The following EPHB1 variants were observed in gnomAD, a reference collection of about 807,000 sequenced individuals.
EPHB1 encodes ephrin type-B receptor 1.
In EPHB1, 30 loss-of-function variants were observed where a neutral mutation model predicts 94.4. That is an observed-to-expected ratio of 0.32 (90% CI 0.24 to 0.43). The LOEUF (loss-of-function observed/expected upper bound fraction) is 0.43. Among genes scored for constraint, EPHB1 ranks in the 20% least tolerant of loss-of-function variants. EPHB1 has a pLI of 1.00. For missense variants in EPHB1, 1,055 were observed against 1,308.3 expected (o/e 0.81, Z 2.99); for synonymous variants, 522 against 489.1 (o/e 1.07, Z -0.89).
At chr3:134,956,099 G>A (rs1367613365) in intron 3 of EPHB1, among the ~76,000 whole-genome samples, 2 of 152,114 alleles carry the variant, frequency 1.3e-5, no homozygotes, top group Non-Finnish European at 2.9e-5. Flanking sequence ...AGGGGAGGAG[G>A]CTGGGGCTGT....
chr3:134,958,413 A>AGTGTGTGTGTGTGTGTGTGTGT (rs3067407), intron 3 of EPHB1, among the ~76,000 whole-genome samples: 2 of 97,668 alleles, frequency 2.0e-5, no homozygotes, highest in Admixed American at 1.3e-4. Context: ...AACACAAGGG[A>AGTGTGTGTGTGTGTGTGTGTGT]GTGTGTGTGT....
chr3:135,254,528 G>A (rs36142997), intron 15 of EPHB1, among the ~76,000 whole-genome samples: 13,540 of 150,594 alleles, frequency 0.09, 669 homozygotes, highest in Middle Eastern at 0.19. Flanking sequence ...ATTGATTTGC[G>A]TATATTGAAC....
At chr3:135,074,754 A>G (rs534320404) in intron 3 of EPHB1, among the ~76,000 whole-genome samples, 1 of 152,184 alleles carries the variant, frequency 6.6e-6, no homozygotes, top group South Asian at 2.1e-4. Context: ...GGGTGGCACT[A>G]TGTCATTATG....
chr3:134,906,633 T>A lies in EPHB1; in HGVS notation c.59-19183T>A, dbSNP rs36220. ...GTTTGCTTACATGAGGTAATGGCAA[T>A]GGCAGAATTGAGTAGTTGCAACAGA... is the stretch of plus-strand genomic sequence containing the variant. On this transcript the variant is annotated intron_variant, in intron 1 of 15. Transcript: ENST00000398015. Among the ~76,000 whole-genome samples, 389 of 152,340 alleles carry A rather than the reference T, an allele frequency of 2.6e-3. 2 individuals are homozygous for A. The highest frequency in any genetic ancestry group is 9.1e-3 in the African/African-American group (377 of 41,576).
chr3:135,241,054 A>G, intron 12 of EPHB1, 94 bp from the exon 13 acceptor site: 1 of 1,412,338 alleles, frequency 7.1e-7, no homozygotes, highest in South Asian at 1.2e-5. Flanking sequence ...TATGGGAGTG[A>G]GAGTTTGGAA....
chr3:135,229,297 C>T (rs564147248), intron 12 of EPHB1, among the ~76,000 whole-genome samples: 4 of 152,252 alleles, frequency 2.6e-5, no homozygotes, highest in South Asian at 2.1e-4. Flanking sequence ...CAGGTGGAGA[C>T]GGTAAGACAG....
chr3:134,982,423 A>C (rs1414256579), intron 3 of EPHB1, among the ~76,000 whole-genome samples: 3 of 152,192 alleles, frequency 2.0e-5, no homozygotes, highest in South Asian at 2.1e-4. Flanking sequence ...ATGGAATGCA[A>C]ATCTTGCCAG....
intron 1 of EPHB1, among the ~76,000 whole-genome samples, chr3:134,900,502 A>G (rs918635509): frequency 6.6e-5 from 10 of 152,284 alleles, no homozygotes; most frequent in African/African-American, 2.2e-4. Context: ...AGAAATCAGG[A>G]TATTTTAAGT....
chr3:134,804,862 C>T (rs2036006777), intron 1 of EPHB1, among the ~76,000 whole-genome samples: 1 of 152,176 alleles, frequency 6.6e-6, no homozygotes, highest in Non-Finnish European at 1.5e-5. Flanking sequence ...GCATCCTAGT[C>T]CCATTGGACA....
chr3:134,883,898 C>A (rs2037811052), intron 1 of EPHB1, among the ~76,000 whole-genome samples: 1 of 152,174 alleles, frequency 6.6e-6, no homozygotes, highest in Admixed American at 6.5e-5. Context: ...GGGCATTGTA[C>A]TAAATTCACT....
Position 135,166,953 on chromosome 3 carries a change from A to G in EPHB1, c.1706A>G (p.Tyr569Cys), listed in dbSNP as rs780990419. The G allele has an allele frequency of 5.0e-6, 8 of 1,614,052 alleles. No homozygotes were observed. In the South Asian group the frequency reaches 8.8e-5, roughly 18 times the overall value. ...ISIVCSRKRA[Y>C]SKEAVYSDKL... is the part of the protein sequence containing the mutation. ...CTTTTTATCCACAGGAAACGGGCTT[A>G]TAGCAAAGAGGCTGTGTACAGCGAT... Residue 569 changes from tyrosine (Y) to cysteine (C), a missense_variant, in exon 9 of 16, where the codon TAT (tyrosine) becomes TGT (cysteine). By Grantham distance (194) the Tyr-to-Cys change is radical. Transcript: ENST00000398015.
chr3:134,857,230 C>T (rs994256438), intron 1 of EPHB1, among the ~76,000 whole-genome samples: 2 of 152,162 alleles, frequency 1.3e-5, no homozygotes, highest in Non-Finnish European at 2.9e-5. Flanking sequence ...TCTTTGTGCT[C>T]AGCCCCTGTC....
At chr3:134,802,590 A>G (rs1560239511) in intron 1 of EPHB1, among the ~76,000 whole-genome samples, 1 of 152,140 alleles carries the variant, frequency 6.6e-6, no homozygotes, top group Non-Finnish European at 1.5e-5. Flanking sequence ...GGAAGACTGT[A>G]TTCTAGGGAC....
intron 3 of EPHB1, among the ~76,000 whole-genome samples, chr3:135,039,700 G>T (rs947032335): frequency 1.3e-5 from 2 of 152,232 alleles, no homozygotes; most frequent in Admixed American, 6.5e-5. Context: ...CTCGGGGCCA[G>T]CAGGGCTGGC....
chr3:134,862,558 A>G (rs1041003859), intron 1 of EPHB1, among the ~76,000 whole-genome samples: 13 of 152,178 alleles, frequency 8.5e-5, no homozygotes, highest in Admixed American at 3.3e-4. Context: ...AATTAAATCA[A>G]AACACTAATT....
At chr3:135,114,724 G>GATAA (rs1485305225) in intron 4 of EPHB1, among the ~76,000 whole-genome samples, 1,204 of 60,622 alleles carry the variant, frequency 0.02, 16 homozygotes, top group African/African-American at 0.058. Flanking sequence ...CTCTGTCTCA[G>GATAA]ATAGATAAAT....
intron 9 of EPHB1, among the ~76,000 whole-genome samples, chr3:135,167,284 T>C (rs921139780): frequency 1.3e-5 from 2 of 152,208 alleles, no homozygotes; most frequent in Admixed American, 6.5e-5. Flanking sequence ...GGGAAAAGAT[T>C]GGGTTTAGCA....
At chr3:134,924,165 A>G (rs1016473537) in intron 1 of EPHB1, among the ~76,000 whole-genome samples, 1 of 152,252 alleles carries the variant, frequency 6.6e-6, no homozygotes, top group African/African-American at 2.4e-5. Context: ...GGTAGGAGAA[A>G]AAAATCTTTG....
chr3:134,878,150 A>C (rs1007933606), intron 1 of EPHB1, among the ~76,000 whole-genome samples: 1 of 152,198 alleles, frequency 6.6e-6, no homozygotes, highest in Non-Finnish European at 1.5e-5. Context: ...TCCTGGGAGA[A>C]TCTTCTGGCC....
Sources: allele counts gnomAD v4.1 joint callset (sites outside exome capture counted in the v4.1 genomes callset), GRCh38; gene constraint gnomAD v4.1.1; transcripts MANE v1.5; gene names NCBI Gene and HGNC (gene_info 2026-07-23, HGNC 2026-07-21).